Variants in CNGA1 observed in about 807,000 individuals in gnomAD.
CNGA1 encodes cyclic nucleotide gated channel subunit alpha 1.
CNGA1 carries 53 observed loss-of-function variants against 69.7 expected under a neutral mutation model. That is an observed-to-expected ratio of 0.76 (90% CI 0.61 to 0.96). CNGA1 has a LOEUF of 0.96. Among genes scored for constraint, CNGA1 ranks in the 40% least tolerant of loss-of-function variants. The pLI, the probability that CNGA1 is intolerant of heterozygous loss-of-function variation, is 0.00. For missense variants in CNGA1, 739 were observed against 811.2 expected, an observed-to-expected ratio of 0.91 and a Z score of 1.08; for synonymous variants, 249 against 283.5, an observed-to-expected ratio of 0.88 and a Z score of 1.22.
intron 2 of CNGA1, among the ~76,000 whole-genome samples, chr4:47,984,978 C>T (rs923020900): frequency 1.3e-5 from 2 of 152,270 alleles, no homozygotes; most frequent in Admixed American, 6.5e-5. Flanking sequence ...CGATATCACA[C>T]TGAGCTTAAA....
intron 3 of CNGA1, among the ~76,000 whole-genome samples, chr4:47,975,273 G>C (rs1377720646): frequency 6.6e-6 from 1 of 152,140 alleles, no homozygotes; most frequent in Non-Finnish European, 1.5e-5. Context: ...AAACACTGTT[G>C]CTATGTTGCC....
rs757494572 is a variant in CNGA1 at position 47,936,386 on chromosome 4, G to A, written c.*35C>T. On this transcript the variant is annotated 3_prime_UTR_variant, in exon 11 of 11. Transcript: ENST00000514170. ...TCAGTCATAGGATCAAAAGGATCATGAGGCATGTCCCTGTTAATGACCAGC... is the reference window on the plus strand; with the variant it reads ...TCAGTCATAGGATCAAAAGGATCATAAGGCATGTCCCTGTTAATGACCAGC... 28 of 1,600,668 alleles carry A rather than the reference G, an allele frequency of 1.7e-5. No individual in the cohort carries two copies. The highest frequency in any genetic ancestry group is 2.4e-5 in the Non-Finnish European group (28 of 1,167,974).
intron 1 of CNGA1, among the ~76,000 whole-genome samples, chr4:48,011,106 A>G (rs1016259494): frequency 1.3e-5 from 2 of 152,116 alleles, no homozygotes; most frequent in Non-Finnish European, 2.9e-5. Context: ...CCTAATTAGC[A>G]TTTTAGTGAG....
intron 1 of CNGA1, among the ~76,000 whole-genome samples, chr4:48,011,339 A>G (rs901981585): frequency 7.6e-5 from 11 of 145,002 alleles, no homozygotes; most frequent in Non-Finnish European, 1.5e-5. Flanking sequence ...AGGTCCTGGG[A>G]GAGAAAAAAA....
intron 1 of CNGA1, 43 bp downstream of exon 1, chr4:48,016,440 G>GTA: frequency 9.0e-6 from 2 of 222,262 alleles, no homozygotes; most frequent in Non-Finnish European, 1.8e-5. Context: ...AGCCAGAAGG[G>GTA]GGCCTCAGTG....
At chr4:47,944,880 G>A (rs1284286585) in intron 6 of CNGA1, among the ~76,000 whole-genome samples, 1 of 152,194 alleles carries the variant, frequency 6.6e-6, no homozygotes, top group Non-Finnish European at 1.5e-5. Flanking sequence ...TAATTATAAT[G>A]AGCATTAAGG....
chr4:47,937,556 C>A lies in CNGA1; in HGVS notation c.926G>T (p.Trp309Leu). ...LVMYIVIIIH[W>L]NACVFYSISK... ...AATAGAGTAGAACACACATGCATTC[C>A]AGTGGATAATGATGACGATATACAT... The change falls in exon 11 of 11, where the codon TGG becomes TTG. Residue 309 changes from tryptophan to leucine, a missense_variant. Trp to Leu is a moderately conservative substitution (Grantham distance 61). Coordinates refer to ENST00000514170, the MANE Select transcript of CNGA1 (RefSeq NM_001379270.1). The A allele has an allele frequency of 6.2e-7, 1 of 1,614,126 alleles. No individual in the cohort carries two copies. Among genetic ancestry groups the A allele is most frequent in the Non-Finnish European group, 8.5e-7 (1 of 1,180,030 alleles).
intron 2 of CNGA1, among the ~76,000 whole-genome samples, chr4:47,986,385 G>C (rs544318474): frequency 1.8e-4 from 27 of 151,598 alleles, no homozygotes; most frequent in South Asian, 6.2e-4. Flanking sequence ...CTGGGTGACA[G>C]AGTGAGACTC....
chr4:47,969,192 C>T (rs1380727184), intron 3 of CNGA1, among the ~76,000 whole-genome samples: 1 of 151,946 alleles, frequency 6.6e-6, no homozygotes, highest in Non-Finnish European at 1.5e-5. Context: ...GAAGCTTTTC[C>T]ACACCTTCTC....
At chr4:47,989,631 C>A (rs1191394580) in intron 2 of CNGA1, among the ~76,000 whole-genome samples, 1 of 151,998 alleles carries the variant, frequency 6.6e-6, no homozygotes, top group East Asian at 1.9e-4. Context: ...AAATTTAGCA[C>A]CTGATTTAAA....
At chr4:47,980,892 A>AATCTCTTCAGACCATTTATTC (rs1741675223) in intron 3 of CNGA1, among the ~76,000 whole-genome samples, 1 of 149,630 alleles carries the variant, frequency 6.7e-6, no homozygotes, top group African/African-American at 2.5e-5. Context: ...CGAGGCACTT[A>AATCTCTTCAGACCATTTATTC]ATCTCTTCAG....
At chr4:47,976,519 C>T (rs1741428805) in intron 3 of CNGA1, among the ~76,000 whole-genome samples, 1 of 151,630 alleles carries the variant, frequency 6.6e-6, no homozygotes, top group Non-Finnish European at 1.5e-5. Context: ...TATAAAAAGG[C>T]AGATACTTAG....
Position 47,952,574 on chromosome 4 carries a change from T to G in CNGA1, c.107+9A>C. ...TAATAAAAATGCATGGGAAAATGTT[T>G]GGATTTACCTGCATGCTCCATTTTC... On this transcript the variant is annotated intron_variant, in intron 4 of 10. Transcript: ENST00000514170. 6.2e-7 allele frequency: 1 copy of G among 1,612,042 alleles called. No homozygotes were observed. The highest frequency in any genetic ancestry group is 8.5e-7 in the Non-Finnish European group (1 of 1,178,760).
chr4:48,010,375 T>C (rs1715100917), intron 2 of CNGA1, among the ~76,000 whole-genome samples: 2 of 152,356 alleles, frequency 1.3e-5, no homozygotes, highest in South Asian at 2.1e-4. Context: ...ATGATGCTTT[T>C]ACAGTGCACT....
chr4:48,005,438 G>A (rs533126403), intron 2 of CNGA1, among the ~76,000 whole-genome samples: 2 of 152,148 alleles, frequency 1.3e-5, no homozygotes, highest in South Asian at 4.2e-4. Flanking sequence ...ATTATACTTG[G>A]CCTGATTATT....
At chr4:47,950,644 G>A (rs1450878651) in intron 5 of CNGA1, among the ~76,000 whole-genome samples, 4 of 151,968 alleles carry the variant, frequency 2.6e-5, no homozygotes, top group African/African-American at 9.7e-5. Context: ...GGTAGTCAAT[G>A]GGAAGAAAAA....
chr4:47,964,369 A>G (rs1351131041), intron 3 of CNGA1, among the ~76,000 whole-genome samples: 1 of 152,172 alleles, frequency 6.6e-6, no homozygotes, highest in Admixed American at 6.5e-5. Flanking sequence ...CCCTAAAGAA[A>G]AATGAGTCCT....
chr4:47,946,367 T>C (rs1442976778), intron 6 of CNGA1, among the ~76,000 whole-genome samples: 2 of 152,212 alleles, frequency 1.3e-5, no homozygotes, highest in Non-Finnish European at 2.9e-5. Context: ...GGGTCAGTCA[T>C]TGTGAATGTC....
intron 3 of CNGA1, among the ~76,000 whole-genome samples, chr4:47,954,739 G>A (rs1043371071): frequency 3.3e-5 from 5 of 152,176 alleles, no homozygotes; most frequent in African/African-American, 9.7e-5. Context: ...ACATACTTCT[G>A]TTCAAAACGT....
Sources: allele counts gnomAD v4.1 joint callset (sites outside exome capture counted in the v4.1 genomes callset), GRCh38; gene constraint gnomAD v4.1.1; transcripts MANE v1.5; gene names NCBI Gene and HGNC (gene_info 2026-07-23, HGNC 2026-07-21).